Variants in DCDC1 observed in about 807,000 individuals in gnomAD.
DCDC1 encodes the protein doublecortin domain-containing protein 1.
DCDC1 carries 200 observed loss-of-function variants against 178.3 expected under a neutral mutation model. That is an observed-to-expected ratio of 1.12 (90% CI 1.00 to 1.26). DCDC1 has a LOEUF of 1.26. Ranked by LOEUF, DCDC1 falls within the 50% of genes most tolerant of loss-of-function variation. DCDC1 has a pLI of 0.00. For missense variants in DCDC1, 1,983 were observed against 1,749.2 expected (o/e 1.13, Z -2.38); for synonymous variants, 690 against 604.8 (o/e 1.14, Z -2.07).
At chr11:30,894,862 A>G (rs1393572135) in intron 34 of DCDC1, among the ~76,000 whole-genome samples, 1 of 152,144 alleles carries the variant, frequency 6.6e-6, no homozygotes, top group Middle Eastern at 3.2e-3. Context: ...TTTTCTATCT[A>G]ATAATACCCT....
At chr11:31,106,575 T>C (rs1307561772) in intron 13 of DCDC1, among the ~76,000 whole-genome samples, 3 of 152,116 alleles carry the variant, frequency 2.0e-5, no homozygotes, top group Admixed American at 6.5e-5. Context: ...TCAAGAACTA[T>C]GACAAGGCAT....
intron 15 of DCDC1, among the ~76,000 whole-genome samples, chr11:31,098,900 T>G (rs1362914813): frequency 6.6e-6 from 1 of 152,196 alleles, no homozygotes; most frequent in Admixed American, 6.5e-5. Context: ...CAGTACTATT[T>G]TTGTTGAACT....
chr11:30,901,571 T>G (rs1944671339), intron 32 of DCDC1, among the ~76,000 whole-genome samples: 1 of 152,270 alleles, frequency 6.6e-6, no homozygotes, highest in African/African-American at 2.4e-5. Context: ...CACAATTCCA[T>G]AAAAGGGGGC....
intron 21 of DCDC1, among the ~76,000 whole-genome samples, chr11:30,934,648 T>A (rs1171636151): frequency 6.6e-6 from 1 of 152,066 alleles, no homozygotes; most frequent in Non-Finnish European, 1.5e-5. Context: ...GTCTTATAGG[T>A]CTCATTTCCC....
chr11:31,289,146 T>C (rs1947042519), intron 7 of DCDC1, among the ~76,000 whole-genome samples: 1 of 152,042 alleles, frequency 6.6e-6, no homozygotes, highest in African/African-American at 2.4e-5. Context: ...TTTTTATTTA[T>C]ACTCAACATT....
At chr11:31,312,659 G>A (rs574984545) in intron 3 of DCDC1, 61 of 152,314 alleles carry the variant, frequency 4.0e-4, no homozygotes, top group African/African-American at 1.1e-3. Context: ...AATCTTCCCT[G>A]TTCTGGTCAC....
chr11:30,917,492 C>T (rs1024764628), intron 25 of DCDC1, among the ~76,000 whole-genome samples: 3 of 152,104 alleles, frequency 2.0e-5, no homozygotes, highest in Non-Finnish European at 4.4e-5. Flanking sequence ...AAGATTTCTC[C>T]ACAGAGAAAT....
At chr11:30,884,818 T>A (rs1943021611) in intron 36 of DCDC1, among the ~76,000 whole-genome samples, 1 of 151,936 alleles carries the variant, frequency 6.6e-6, no homozygotes, top group African/African-American at 2.4e-5. Flanking sequence ...AATAAAAGAA[T>A]ACCACAGCCT....
intron 4 of DCDC1, chr11:31,307,359 G>C (rs575830594): frequency 9.1e-6 from 3 of 327,892 alleles, no homozygotes; most frequent in African/African-American, 4.3e-5. Flanking sequence ...AAATAAGTTC[G>C]TGTGAGCAAA....
intron 20 of DCDC1, among the ~76,000 whole-genome samples, chr11:31,046,402 C>T (rs1217864810): frequency 1.3e-5 from 2 of 151,972 alleles, no homozygotes; most frequent in African/African-American, 4.8e-5. Context: ...AGAATAGCTG[C>T]ATCTTAGTAG....
At chr11:31,152,792 G>A (rs188830129) in intron 9 of DCDC1, among the ~76,000 whole-genome samples, 62 of 152,300 alleles carry the variant, frequency 4.1e-4, no homozygotes, top group Admixed American at 3.2e-3. Context: ...CAACAATCAT[G>A]GCAAACCATG....
chr11:31,257,610 C>T (rs951722737), intron 8 of DCDC1, among the ~76,000 whole-genome samples: 1 of 151,686 alleles, frequency 6.6e-6, no homozygotes, highest in Non-Finnish European at 1.5e-5. Context: ...ATAAGACAAA[C>T]TGATTTAACT....
intron 2 of DCDC1, among the ~76,000 whole-genome samples, chr11:31,333,748 G>C (rs1040158822): frequency 2.0e-5 from 3 of 152,174 alleles, no homozygotes; most frequent in Non-Finnish European, 4.4e-5. Flanking sequence ...CAAGAGATCT[G>C]CTGTTAGTCT....
intron 20 of DCDC1, among the ~76,000 whole-genome samples, chr11:30,984,799 C>G (rs1473374735): frequency 6.6e-6 from 1 of 152,142 alleles, no homozygotes; most frequent in Admixed American, 6.5e-5. Flanking sequence ...TAAATTGGCA[C>G]CTCCCAAATG....
At chr11:31,016,198 T>G (rs1407512021) in intron 20 of DCDC1, among the ~76,000 whole-genome samples, 2 of 152,146 alleles carry the variant, frequency 1.3e-5, no homozygotes, top group Non-Finnish European at 2.9e-5. Context: ...TTAAATGAGA[T>G]AATGTGTGCA....
intron 9 of DCDC1, among the ~76,000 whole-genome samples, chr11:31,161,516 C>CTA (rs1484239127): frequency 6.6e-6 from 1 of 152,162 alleles, no homozygotes; most frequent in African/African-American, 2.4e-5. Context: ...AACCTAATTA[C>CTA]TATCTGCTGG....
At chr11:30,896,960 C>G (rs1302453292) in intron 34 of DCDC1, among the ~76,000 whole-genome samples, 1 of 152,156 alleles carries the variant, frequency 6.6e-6, no homozygotes, top group Non-Finnish European at 1.5e-5. Flanking sequence ...TATAGAATAG[C>G]TGATTTAGCA....
Position 31,357,764 on chromosome 11 carries a change from A to G in DCDC1, c.-125+11933T>C, listed in dbSNP as rs919444382. Among the ~76,000 whole-genome samples the G allele has an allele frequency of 1.1e-4, 16 of 152,238 alleles. No homozygotes were observed. The Middle Eastern group carries it at 0.01, about 97-fold the overall frequency. On this transcript the variant is annotated intron_variant, in intron 1 of 38. Transcript: ENST00000684477. ...GTCTCAGGATACAAAATCAGTGTAC[A>G]AAAATCACAAGCATTCTTATACACC... is the stretch of plus-strand genomic sequence containing the variant.
At chr11:31,321,470 C>T (rs1370923903) in intron 3 of DCDC1, among the ~76,000 whole-genome samples, 3 of 152,008 alleles carry the variant, frequency 2.0e-5, no homozygotes, top group Non-Finnish European at 4.4e-5. Context: ...CTCCCTGACC[C>T]CTTGCGCTTC....
Sources: gnomAD v4.1 joint callset for allele counts (sites outside exome capture counted in the v4.1 genomes callset) on GRCh38, gnomAD v4.1.1 for gene constraint, MANE v1.5 for transcripts, NCBI Gene and HGNC (gene_info 2026-07-23, HGNC 2026-07-21) for gene names.